PIWIL4: variants seen among roughly 807,000 people sequenced by gnomAD.
The protein encoded by PIWIL4 is piwi like RNA-mediated gene silencing 4, also known as piwi-like protein 4.
Under a neutral mutation model 100.9 loss-of-function variants are expected in PIWIL4, and 50 were observed. That is an observed-to-expected ratio of 0.50 (90% CI 0.39 to 0.63). PIWIL4 has a LOEUF of 0.63. PIWIL4 is among the 20% of genes least tolerant of loss of function. PIWIL4 has a pLI of 0.00. For missense variants in PIWIL4, 887 were observed against 1,043.3 expected, an observed-to-expected ratio of 0.85 and a Z score of 2.06; for synonymous variants, 342 against 367.5, an observed-to-expected ratio of 0.93 and a Z score of 0.79.
chr11:94,592,604 T>C (rs1273240716), intron 8 of PIWIL4, among the ~76,000 whole-genome samples: 1 of 152,230 alleles, frequency 6.6e-6, no homozygotes, highest in Non-Finnish European at 1.5e-5. Context: ...TCTTGAAATA[T>C]AGAAATGCTC....
intron 8 of PIWIL4, among the ~76,000 whole-genome samples, chr11:94,590,770 T>C (rs942816821): frequency 6.6e-6 from 1 of 152,192 alleles, no homozygotes; most frequent in African/African-American, 2.4e-5. Context: ...TTGCCAGCCC[T>C]GTTCCCACTG....
chr11:94,602,624 ACT>A (rs1948658452), intron 12 of PIWIL4, among the ~76,000 whole-genome samples: 1 of 152,234 alleles, frequency 6.6e-6, no homozygotes, highest in Non-Finnish European at 1.5e-5. Flanking sequence ...GAAAATAAAT[ACT>A]GTTTTGCTTT....
At chr11:94,576,287 A>T (rs749330799) in intron 3 of PIWIL4, among the ~76,000 whole-genome samples, 3 of 152,168 alleles carry the variant, frequency 2.0e-5, no homozygotes, top group Non-Finnish European at 2.9e-5. Flanking sequence ...GGCATGGGCC[A>T]CCATGCCCAG....
Position 94,574,557 on chromosome 11 carries a change from G to A in PIWIL4, c.167-442G>A, listed in dbSNP as rs144337589. Among the ~76,000 whole-genome samples the A allele has an allele frequency of 1.3e-3, 205 of 152,206 alleles. 2 individuals are homozygous for A. The highest frequency in any genetic ancestry group is 4.6e-3 in the African/African-American group (193 of 41,534). ...CGCCCTGTCGCCCAGGCTGGAGTGCGGGCGTGACCATGGCTCACTGCTACC... is the reference window on the plus strand; with the variant it reads ...CGCCCTGTCGCCCAGGCTGGAGTGCAGGCGTGACCATGGCTCACTGCTACC... On this transcript the variant is annotated intron_variant, in intron 2 of 19. Transcript: ENST00000299001.
rs142326519 is a variant in PIWIL4 at position 94,574,805 on chromosome 11, C to T, written c.167-194C>T. Reference sequence around the variant, plus strand: ...CCAAGATCTGTTATTTTTAACAAAACGTTCTGTGTTTTCTTCACAATTTTC... The same window carrying T: ...CCAAGATCTGTTATTTTTAACAAAATGTTCTGTGTTTTCTTCACAATTTTC... On this transcript the variant is annotated intron_variant, in intron 2 of 19. Coordinates refer to ENST00000299001, the MANE Select transcript of PIWIL4 (RefSeq NM_152431.3). Among the ~76,000 whole-genome samples, 642 of 152,284 alleles carry T rather than the reference C, an allele frequency of 4.2e-3. 3 individuals are homozygous for T. The highest frequency in any genetic ancestry group is 0.014 in the African/African-American group (596 of 41,558).
Position 94,583,519 on chromosome 11 carries a change from G to A in PIWIL4, c.585G>A (p.Leu195=). 2 of 1,613,986 alleles carry A rather than the reference G, an allele frequency of 1.2e-6. No homozygotes were observed. The highest frequency in any genetic ancestry group is 8.5e-7 in the Non-Finnish European group (1 of 1,179,850). Residue 195 remains leucine, a synonymous_variant, in exon 5 of 20, where the codon CTG becomes CTA. Coordinates refer to ENST00000299001, the MANE Select transcript of PIWIL4 (RefSeq NM_152431.3). Reference sequence around the variant, plus strand: ...TGACTATCACCCTGAAGAGGGAGCTGCCATCAAGTTCTCCCGTGTGCATCC... The same window carrying A: ...TGACTATCACCCTGAAGAGGGAGCTACCATCAAGTTCTCCCGTGTGCATCC... The part of the protein sequence containing the change: ...IKMTITLKRE[L]PSSSPVCIQV...
intron 17 of PIWIL4, among the ~76,000 whole-genome samples, chr11:94,618,958 T>G (rs1354693619): frequency 2.0e-5 from 3 of 152,150 alleles, no homozygotes; most frequent in Non-Finnish European, 4.4e-5. Context: ...TACTTTGCTC[T>G]CCACTGATCT....
intron 2 of PIWIL4, among the ~76,000 whole-genome samples, chr11:94,573,912 C>T (rs922226895): frequency 6.6e-6 from 1 of 152,038 alleles, no homozygotes; most frequent in African/African-American, 2.4e-5. Context: ...TTAATAACTC[C>T]CATTCCCCCC....
chr11:94,609,873 T>TTG (rs960726555), intron 15 of PIWIL4, among the ~76,000 whole-genome samples: 5 of 151,630 alleles, frequency 3.3e-5, no homozygotes, highest in African/African-American at 1.2e-4. Context: ...TAGTTACCAT[T>TTG]TGTGTGTGTG....
rs181213516 is a variant in PIWIL4, at chr11:94,598,418, C to T, written c.1380+503C>T. The stretch of plus-strand genomic sequence containing the variant: ...ATCAAGAAGTATGCACAGAACCCAG[C>T]CCCAGACATAGTACTTGGGGAGAGA... On this transcript the variant is annotated intron_variant, in intron 11 of 19. Coordinates refer to ENST00000299001, the MANE Select transcript of PIWIL4 (RefSeq NM_152431.3). Among the ~76,000 whole-genome samples the T allele has an allele frequency of 2.0e-5, 3 of 152,274 alleles. No individual in the cohort carries two copies. The East Asian group carries it at 5.8e-4, about 29-fold the overall frequency.
intron 13 of PIWIL4, among the ~76,000 whole-genome samples, chr11:94,605,571 T>C (rs12576656): frequency 0.25 from 37,368 of 152,132 alleles, 4,774 homozygotes; most frequent in African/African-American, 0.28. Context: ...TTTGAGACTA[T>C]ATAAATAATC....
In PIWIL4 at chr11:94,613,595, C is replaced by G. The variant is rs1439949391; in HGVS notation, c.1944-2898C>G. Among the ~76,000 whole-genome samples the G allele has an allele frequency of 2.6e-5, 4 of 152,160 alleles. No homozygotes were observed. The East Asian group carries it at 7.7e-4, about 29-fold the overall frequency. On this transcript the variant is annotated intron_variant, in intron 15 of 19. Coordinates refer to ENST00000299001, the MANE Select transcript of PIWIL4 (RefSeq NM_152431.3). Reference sequence around the variant, plus strand: ...AACTTTCGTAATGCAAATGTTAGCCCTCTTTATGGTATCCCAAAAACTCCA... The same window carrying G: ...AACTTTCGTAATGCAAATGTTAGCCGTCTTTATGGTATCCCAAAAACTCCA...
intron 8 of PIWIL4, among the ~76,000 whole-genome samples, chr11:94,589,852 T>C (rs1948459328): frequency 1.3e-5 from 2 of 152,132 alleles, no homozygotes; most frequent in Admixed American, 6.5e-5. Flanking sequence ...ATCCTAGACA[T>C]TGAGCTCTGG....
At chr11:94,577,182 A>C (rs1948249127) in intron 3 of PIWIL4, 96 bp from the exon 4 acceptor site, 1 of 1,005,424 alleles carries the variant, frequency 9.9e-7, no homozygotes, top group Admixed American at 2.3e-5. Context: ...TAAAGCAACT[A>C]CTATGCATAG....
At chr11:94,588,445 C>T (rs879136800) in intron 7 of PIWIL4, among the ~76,000 whole-genome samples, 1 of 152,138 alleles carries the variant, frequency 6.6e-6, no homozygotes, top group Non-Finnish European at 1.5e-5. Flanking sequence ...AGAAGGCTAC[C>T]CTCTTATCCT....
At chr11:94,582,814 T>G (rs998004567) in intron 4 of PIWIL4, among the ~76,000 whole-genome samples, 4 of 152,182 alleles carry the variant, frequency 2.6e-5, no homozygotes, top group African/African-American at 9.6e-5. Flanking sequence ...CCACCACTTA[T>G]TCCTCTCTCT....
In PIWIL4 at chr11:94,573,605, G is replaced by T. The variant is rs368803057; in HGVS notation, c.167-1394G>T. ...ATGGATTACGTTTATTGATTTGCGT[G>T]TGTTGAACCAGCCTTGCATCCCAGG... On this transcript the variant is annotated intron_variant, in intron 2 of 19. Transcript: ENST00000299001. Among the ~76,000 whole-genome samples the T allele has an allele frequency of 5.5e-3, 830 of 152,242 alleles. 22 individuals carry two copies. In the South Asian group the frequency reaches 0.09, roughly 17 times the overall value.
chr11:94,576,301 A>AT (rs1948236121), intron 3 of PIWIL4, among the ~76,000 whole-genome samples: 1 of 151,982 alleles, frequency 6.6e-6, no homozygotes, highest in Non-Finnish European at 1.5e-5. Flanking sequence ...TGCCCAGTTA[A>AT]TTTTTTATTT....
intron 3 of PIWIL4, among the ~76,000 whole-genome samples, chr11:94,576,131 ATTCTT>A (rs1327842252): frequency 1.3e-5 from 2 of 151,896 alleles, no homozygotes; most frequent in African/African-American, 4.8e-5. Context: ...ATTCTATATC[ATTCTT>A]TTCTTTTCTT....
Sources: gnomAD v4.1 joint callset for allele counts (sites outside exome capture counted in the v4.1 genomes callset) on GRCh38, gnomAD v4.1.1 for gene constraint, MANE v1.5 for transcripts, NCBI Gene and HGNC (gene_info 2026-07-23, HGNC 2026-07-21) for gene names.